CHCHD3: variants seen among roughly 807,000 people sequenced by gnomAD.
The protein encoded by CHCHD3 is coiled-coil-helix-coiled-coil-helix domain containing 3, also known as MICOS complex subunit MIC19.
CHCHD3 carries 20 observed loss-of-function variants against 38.2 expected under a neutral mutation model. The observed-to-expected ratio is 0.52, with a 90% CI of 0.37 to 0.76. The LOEUF is 0.76. CHCHD3 is among the 30% of genes least tolerant of loss of function. The pLI is 0.00. For synonymous variants in CHCHD3, 82 were observed against 100.0 expected (o/e 0.82, Z 1.07); for missense variants, 245 against 279.2 (o/e 0.88, Z 0.87).
intron 6 of CHCHD3, among the ~76,000 whole-genome samples, chr7:132,812,933 AT>A (rs1345691331): frequency 1.3e-5 from 2 of 152,078 alleles, no homozygotes; most frequent in African/African-American, 4.8e-5. Flanking sequence ...AATGCCTACT[AT>A]TTTAGCCTTT....
chr7:132,870,617 G>A (rs561956644), intron 5 of CHCHD3, among the ~76,000 whole-genome samples: 1 of 151,712 alleles, frequency 6.6e-6, no homozygotes, highest in East Asian at 1.9e-4. Context: ...AGGGATCTGA[G>A]GGTCAAACAG....
intron 4 of CHCHD3, among the ~76,000 whole-genome samples, chr7:132,918,412 G>A (rs577460493): frequency 2.6e-5 from 4 of 152,264 alleles, no homozygotes; most frequent in South Asian, 2.1e-4. Context: ...GGCACAGTGC[G>A]TGACACATTT....
intron 3 of CHCHD3, among the ~76,000 whole-genome samples, chr7:133,014,332 A>AC (rs1167753230): frequency 6.6e-6 from 1 of 151,400 alleles, no homozygotes; most frequent in Non-Finnish European, 1.5e-5. Context: ...GATAACTCAA[A>AC]AAAAAAAAAA....
At chr7:133,017,035 C>G (rs549329139) in intron 3 of CHCHD3, among the ~76,000 whole-genome samples, 1 of 152,124 alleles carries the variant, frequency 6.6e-6, no homozygotes, top group South Asian at 2.1e-4. Flanking sequence ...TCCAAATTTG[C>G]GAGAAAATGA....
At chr7:132,989,510 C>T (rs1812212340) in intron 3 of CHCHD3, among the ~76,000 whole-genome samples, 2 of 152,068 alleles carry the variant, frequency 1.3e-5, no homozygotes, top group South Asian at 4.1e-4. Flanking sequence ...GATTGCCTCC[C>T]ATTTACACAT....
At chr7:132,940,886 G>A (rs77560381) in intron 4 of CHCHD3, among the ~76,000 whole-genome samples, 6,497 of 152,054 alleles carry the variant, frequency 0.043, 301 homozygotes, top group African/African-American at 0.12. Flanking sequence ...TGTTCCACCC[G>A]CCCTGTCAGT....
intron 3 of CHCHD3, among the ~76,000 whole-genome samples, chr7:132,984,914 C>T (rs1812052993): frequency 1.1e-5 from 1 of 94,518 alleles, no homozygotes; most frequent in Admixed American, 1.1e-4. Context: ...GGTCAGCCCC[C>T]CGCCCGGCCA....
chr7:132,886,129 T>C (rs969229491), intron 4 of CHCHD3, among the ~76,000 whole-genome samples: 4 of 152,120 alleles, frequency 2.6e-5, no homozygotes, highest in Non-Finnish European at 5.9e-5. Context: ...AAAAAAGTAA[T>C]GCCTAAATAA....
At chr7:132,875,821 A>G (rs1287918646) in intron 5 of CHCHD3, among the ~76,000 whole-genome samples, 1 of 152,238 alleles carries the variant, frequency 6.6e-6, no homozygotes, top group Non-Finnish European at 1.5e-5. Context: ...TACACGGACA[A>G]ATTGGATTTA....
chr7:132,985,680 G>GA (rs1165499200), intron 3 of CHCHD3, among the ~76,000 whole-genome samples: 1 of 71,306 alleles, frequency 1.4e-5, no homozygotes, highest in African/African-American at 6.2e-5. Context: ...GAGGGAGGTG[G>GA]GGGGGGGGTC....
At chr7:133,008,410 C>T (rs2117405316) in intron 3 of CHCHD3, among the ~76,000 whole-genome samples, 1 of 140,538 alleles carries the variant, frequency 7.1e-6, no homozygotes, top group Admixed American at 7.1e-5. Flanking sequence ...CTGTATTCTA[C>T]ACACATGCAG....
At position 132,864,632 on chromosome 7, in the gene CHCHD3, T is replaced by C. The variant is rs868563082; in HGVS notation, c.453+21030A>G. Among the ~76,000 whole-genome samples, 4 of 152,280 alleles carry C rather than the reference T, an allele frequency of 2.6e-5. No homozygotes were observed. In the Middle Eastern group the frequency reaches 0.01, roughly 388 times the overall value. On this transcript the variant is annotated intron_variant, in intron 5 of 7. Coordinates refer to ENST00000262570, the MANE Select transcript of CHCHD3 (RefSeq NM_017812.4). ...CAAATGAAGTATGTCTGTACTGTGA[T>C]TTGTCCATCTGGCACCTCTTGGACA...
chr7:132,876,257 T>C (rs980389914), intron 5 of CHCHD3, among the ~76,000 whole-genome samples: 4 of 152,186 alleles, frequency 2.6e-5, no homozygotes, highest in Non-Finnish European at 4.4e-5. Context: ...ATTTAGCCAA[T>C]TTCAATCTCA....
intron 3 of CHCHD3, among the ~76,000 whole-genome samples, chr7:132,977,314 CTG>C (rs1811793136): frequency 6.6e-6 from 1 of 152,206 alleles, no homozygotes; most frequent in African/African-American, 2.4e-5. Context: ...GCCTAGCAAA[CTG>C]TCTTTTCATA....
chr7:132,791,159 T>C (rs568136137), intron 7 of CHCHD3, among the ~76,000 whole-genome samples: 7 of 152,290 alleles, frequency 4.6e-5, no homozygotes, highest in Non-Finnish European at 7.4e-5. Context: ...CCTGGGAAAT[T>C]TGGTCAAAGT....
At chr7:132,821,887 C>T (rs899176261) in intron 6 of CHCHD3, among the ~76,000 whole-genome samples, 5 of 151,680 alleles carry the variant, frequency 3.3e-5, no homozygotes, top group Admixed American at 6.6e-5. Flanking sequence ...CTCAGCCTCC[C>T]CAGTAGCTGG....
At chr7:132,898,956 G>A (rs1234459131) in intron 4 of CHCHD3, among the ~76,000 whole-genome samples, 1 of 152,218 alleles carries the variant, frequency 6.6e-6, no homozygotes. Flanking sequence ...TGCAAGCGCC[G>A]CACACAGCCC....
intron 4 of CHCHD3, among the ~76,000 whole-genome samples, chr7:132,959,707 A>G (rs1811264304): frequency 6.7e-6 from 1 of 149,332 alleles, no homozygotes; most frequent in Non-Finnish European, 1.5e-5. Context: ...TGGGCGACAG[A>G]GCAAAACTCC....
chr7:132,909,968 A>G (rs1809901665), intron 4 of CHCHD3, among the ~76,000 whole-genome samples: 2 of 152,236 alleles, frequency 1.3e-5, no homozygotes, highest in South Asian at 4.1e-4. Flanking sequence ...CTTTCCCATG[A>G]AAAACTGGTA....
Sources: gnomAD v4.1 joint callset for allele counts (sites outside exome capture counted in the v4.1 genomes callset) on GRCh38, gnomAD v4.1.1 for gene constraint, MANE v1.5 for transcripts, NCBI Gene and HGNC (gene_info 2026-07-23, HGNC 2026-07-21) for gene names.